Variants in AMD1 observed in about 807,000 individuals in gnomAD.
AMD1 encodes the protein S-adenosylmethionine decarboxylase proenzyme.
A neutral mutation model predicts 40.2 loss-of-function variants in AMD1; 11 were observed. That is an observed-to-expected ratio of 0.27 (90% CI 0.17 to 0.45). AMD1 has a LOEUF of 0.45. Among genes scored for constraint, AMD1 ranks in the 20% least tolerant of loss-of-function variants. The pLI, the probability that AMD1 is intolerant of heterozygous loss-of-function variation, is 1.00. For missense variants in AMD1, 257 were observed against 410.2 expected (o/e 0.63, Z 3.23); for synonymous variants, 121 against 130.8 (o/e 0.93, Z 0.51).
the AMD1 span, among the ~76,000 whole-genome samples, chr6:110,851,880 A>G: frequency 6.6e-6 from 1 of 152,194 alleles, no homozygotes; most frequent in African/African-American, 2.4e-5. Context: ...AGAAAAATAA[A>G]GGATATCCTA....
upstream of AMD1, among the ~76,000 whole-genome samples, chr6:110,872,558 G>A (rs1041536731): frequency 6.6e-6 from 1 of 152,110 alleles, no homozygotes; most frequent in African/African-American, 2.4e-5. Flanking sequence ...AATGTATTTT[G>A]GACATATTGA....
At chr6:110,817,874 CTGAG>C in the AMD1 span, among the ~76,000 whole-genome samples, 5 of 151,992 alleles carry the variant, frequency 3.3e-5, no homozygotes, top group African/African-American at 9.7e-5. Flanking sequence ...GCCCCATCTG[CTGAG>C]TGAGAGCCAA....
chr6:110,823,823 G>A, the AMD1 span, among the ~76,000 whole-genome samples: 1 of 152,044 alleles, frequency 6.6e-6, no homozygotes, highest in African/African-American at 2.4e-5. Flanking sequence ...GGAAGTGAGA[G>A]ATCTCAACAA....
chr6:110,830,012 GTGTT>G, the AMD1 span, among the ~76,000 whole-genome samples: 23 of 151,362 alleles, frequency 1.5e-4, no homozygotes, highest in Admixed American at 4.0e-4. Context: ...TTTTGTTTGT[GTGTT>G]TGTTTGTTTG....
At chr6:110,844,587 G>A in the AMD1 span, among the ~76,000 whole-genome samples, 1 of 151,822 alleles carries the variant, frequency 6.6e-6, no homozygotes, top group East Asian at 2.0e-4. Flanking sequence ...CGAGACCATC[G>A]TGGCTAACAC....
At chr6:110,851,801 C>T in the AMD1 span, among the ~76,000 whole-genome samples, 4 of 151,972 alleles carry the variant, frequency 2.6e-5, no homozygotes, top group Non-Finnish European at 4.4e-5. Context: ...TAACATCACC[C>T]CAGCTTGTAT....
the AMD1 span, chr6:110,858,253 G>A: frequency 3.2e-6 from 3 of 947,678 alleles, no homozygotes; most frequent in Non-Finnish European, 5.0e-6. Context: ...GCTCCACGCA[G>A]TTCAACAAGG....
the AMD1 span, among the ~76,000 whole-genome samples, chr6:110,852,062 T>G: frequency 1.3e-5 from 2 of 151,460 alleles, no homozygotes; most frequent in Non-Finnish European, 2.9e-5. Context: ...TTTTGTTTTT[T>G]TTTTTTTTGA....
the AMD1 span, among the ~76,000 whole-genome samples, chr6:110,826,622 T>C: frequency 4.6e-5 from 7 of 151,896 alleles, 1 homozygote; most frequent in Admixed American, 4.6e-4. Flanking sequence ...ATAACTCAAA[T>C]CTCTGTCTCC....
At chr6:110,842,036 C>T in the AMD1 span, among the ~76,000 whole-genome samples, 1 of 152,080 alleles carries the variant, frequency 6.6e-6, no homozygotes, top group Non-Finnish European at 1.5e-5. Flanking sequence ...ATTCTAACCT[C>T]AAGTGATCCT....
At chr6:110,856,323 C>T in the AMD1 span, 2 of 152,218 alleles carry the variant, frequency 1.3e-5, no homozygotes, top group Non-Finnish European at 2.9e-5. Context: ...ACTCCTCACA[C>T]TACCTGACTC....
At chr6:110,840,682 C>A in the AMD1 span, among the ~76,000 whole-genome samples, 2 of 150,062 alleles carry the variant, frequency 1.3e-5, no homozygotes, top group Non-Finnish European at 3.0e-5. Context: ...TGTCAGTATT[C>A]ACTCTCCCAG....
chr6:110,890,062 C>A (rs1476962702), intron 3 of AMD1, 192 bp from the exon 4 acceptor site: 2 of 505,046 alleles, frequency 4.0e-6, no homozygotes, highest in Non-Finnish European at 7.0e-6. Context: ...AGGCTGGACT[C>A]CTGGGCCAAG....
the AMD1 span, among the ~76,000 whole-genome samples, chr6:110,821,269 A>G: frequency 1.3e-5 from 2 of 152,118 alleles, no homozygotes; most frequent in Admixed American, 6.5e-5. Flanking sequence ...GTTTTCTGAG[A>G]CCCAACATGT....
chr6:110,863,253 C>G, the AMD1 span, among the ~76,000 whole-genome samples: 1 of 150,552 alleles, frequency 6.6e-6, no homozygotes, highest in Non-Finnish European at 1.5e-5. Context: ...CCCCCAAGTT[C>G]GTTTTTTTAA....
the AMD1 span, among the ~76,000 whole-genome samples, chr6:110,823,926 G>T: frequency 6.6e-6 from 1 of 152,162 alleles, no homozygotes; most frequent in African/African-American, 2.4e-5. Flanking sequence ...TCAAGACAAT[G>T]AAAATAATGT....
At chr6:110,856,305 T>C in the AMD1 span, 3 of 152,102 alleles carry the variant, frequency 2.0e-5, no homozygotes, top group African/African-American at 7.2e-5. Context: ...TCAAAAAAAA[T>C]GGCTGCCACT....
At chr6:110,838,486 A>G in the AMD1 span, among the ~76,000 whole-genome samples, 1 of 152,184 alleles carries the variant, frequency 6.6e-6, no homozygotes, top group Non-Finnish European at 1.5e-5. Context: ...AAAACAAATC[A>G]ACCTCTTTTC....
At chr6:110,836,512 A>G in the AMD1 span, among the ~76,000 whole-genome samples, 1 of 152,110 alleles carries the variant, frequency 6.6e-6, no homozygotes, top group South Asian at 2.1e-4. Flanking sequence ...TTGACAAAAT[A>G]TTTTCATTTA....
Sources: gnomAD v4.1 joint callset for allele counts (sites outside exome capture counted in the v4.1 genomes callset) on GRCh38, gnomAD v4.1.1 for gene constraint, MANE v1.5 for transcripts, NCBI Gene and HGNC (gene_info 2026-07-23, HGNC 2026-07-21) for gene names.